The following KCNIP4 variants were observed in gnomAD, a reference collection of about 807,000 sequenced individuals.
KCNIP4 encodes the protein Kv channel-interacting protein 4.
In KCNIP4, 12 loss-of-function variants were observed where a neutral mutation model predicts 34.0. That is an observed-to-expected ratio of 0.35 (90% CI 0.23 to 0.57). KCNIP4 has a LOEUF of 0.57. Ranked by LOEUF, KCNIP4 falls within the 20% of genes least tolerant of loss-of-function variation. The pLI is 0.83. For missense variants in KCNIP4, 238 were observed against 311.7 expected (o/e 0.76, Z 1.78); for synonymous variants, 124 against 102.2 (o/e 1.21, Z -1.29).
chr4:21,205,132 G>T (rs1756757761), intron 1 of KCNIP4, among the ~76,000 whole-genome samples: 1 of 152,090 alleles, frequency 6.6e-6, no homozygotes, highest in Admixed American at 6.6e-5. Context: ...GTAAATACTG[G>T]GTCGAACCTC....
intron 3 of KCNIP4, among the ~76,000 whole-genome samples, chr4:20,817,503 A>C (rs1716556950): frequency 1.3e-5 from 2 of 151,982 alleles, no homozygotes; most frequent in African/African-American, 4.8e-5. Context: ...CTGATCTTTA[A>C]ATTCCTGAAT....
intron 1 of KCNIP4, among the ~76,000 whole-genome samples, chr4:21,109,091 C>A (rs1361599362): frequency 6.6e-6 from 1 of 152,116 alleles, no homozygotes; most frequent in Non-Finnish European, 1.5e-5. Flanking sequence ...GTTCTCAGAT[C>A]TCCAGCTGCG....
intron 1 of KCNIP4, among the ~76,000 whole-genome samples, chr4:21,520,531 G>A (rs144427655): frequency 8.3e-4 from 126 of 152,164 alleles, no homozygotes; most frequent in African/African-American, 3.0e-3. Flanking sequence ...GCTTTTACAG[G>A]TCTTAGTTAA....
intron 3 of KCNIP4, among the ~76,000 whole-genome samples, chr4:20,803,713 GA>G (rs1578657847): frequency 2.3e-5 from 3 of 127,790 alleles, no homozygotes; most frequent in Admixed American, 1.7e-4. Flanking sequence ...AAGAGAGAGA[GA>G]GAGAGAGAGA....
chr4:21,483,524 G>GC (rs1731634694), intron 1 of KCNIP4, among the ~76,000 whole-genome samples: 1 of 151,942 alleles, frequency 6.6e-6, no homozygotes, highest in African/African-American at 2.4e-5. Flanking sequence ...GCGTGGTGGT[G>GC]CACGCCTGTA....
At chr4:21,906,400 A>G (rs1384166818) in intron 1 of KCNIP4, among the ~76,000 whole-genome samples, 4 of 152,148 alleles carry the variant, frequency 2.6e-5, no homozygotes, top group Non-Finnish European at 5.9e-5. Flanking sequence ...AGAAGCAGAG[A>G]TTGGCGTGAT....
intron 1 of KCNIP4, among the ~76,000 whole-genome samples, chr4:21,449,736 T>C: frequency 6.6e-6 from 1 of 152,072 alleles, no homozygotes; most frequent in East Asian, 1.9e-4. Flanking sequence ...TTTTATCTTT[T>C]TGTTTTTTCA....
chr4:21,405,661 A>T, intron 1 of KCNIP4, among the ~76,000 whole-genome samples: 1 of 152,214 alleles, frequency 6.6e-6, no homozygotes. Context: ...GACACATGGA[A>T]GGACCTAATA....
At chr4:21,487,864 T>C (rs755590178) in intron 1 of KCNIP4, among the ~76,000 whole-genome samples, 2 of 152,266 alleles carry the variant, frequency 1.3e-5, no homozygotes, top group Non-Finnish European at 2.9e-5. Flanking sequence ...TTTAACTCTT[T>C]ATTTATTTAT....
At chr4:21,211,628 T>C (rs943187357) in intron 1 of KCNIP4, among the ~76,000 whole-genome samples, 97 of 152,138 alleles carry the variant, frequency 6.4e-4, no homozygotes, top group African/African-American at 2.3e-3. Context: ...GATTGGGAAC[T>C]GCTGCCCTAT....
intron 1 of KCNIP4, among the ~76,000 whole-genome samples, chr4:21,411,466 T>C (rs1229851664): frequency 6.6e-6 from 1 of 152,162 alleles, no homozygotes; most frequent in African/African-American, 2.4e-5. Flanking sequence ...ACCACTGATA[T>C]TAACAGAAAC....
intron 1 of KCNIP4, among the ~76,000 whole-genome samples, chr4:21,191,393 T>A (rs907654255): frequency 6.6e-6 from 1 of 152,358 alleles, no homozygotes; most frequent in Admixed American, 6.5e-5. Context: ...ATCAATTGCC[T>A]ATAGTTTAAT....
intron 1 of KCNIP4, among the ~76,000 whole-genome samples, chr4:21,383,498 CAAAAA>C (rs58025914): frequency 1.1e-4 from 12 of 114,080 alleles, no homozygotes; most frequent in Middle Eastern, 4.1e-3. Context: ...AGTAGCAAGA[CAAAAA>C]AAAAAAAAAA....
chr4:21,622,413 T>G (rs1293036273), intron 1 of KCNIP4, among the ~76,000 whole-genome samples: 4 of 152,140 alleles, frequency 2.6e-5, no homozygotes, highest in African/African-American at 7.2e-5. Context: ...AAAAAGAAAT[T>G]TATTAAATAT....
chr4:21,763,972 C>G (rs1235967971), intron 1 of KCNIP4, among the ~76,000 whole-genome samples: 1 of 151,936 alleles, frequency 6.6e-6, no homozygotes, highest in Non-Finnish European at 1.5e-5. Flanking sequence ...GCCAGGAACT[C>G]CAGATCACAA....
At chr4:21,100,470 T>C (rs780193877) in intron 1 of KCNIP4, among the ~76,000 whole-genome samples, 19 of 152,182 alleles carry the variant, frequency 1.2e-4, no homozygotes, top group Admixed American at 2.6e-4. Flanking sequence ...GGAGAATCAC[T>C]TGAACCTGGG....
intron 1 of KCNIP4, among the ~76,000 whole-genome samples, chr4:21,583,325 A>G (rs1388583011): frequency 6.6e-6 from 1 of 151,970 alleles, no homozygotes; most frequent in Non-Finnish European, 1.5e-5. Context: ...TTAGGAAGTT[A>G]TTTAGGCTTG....
intron 1 of KCNIP4, among the ~76,000 whole-genome samples, chr4:21,581,500 G>A (rs1741195733): frequency 6.6e-6 from 1 of 151,902 alleles, no homozygotes; most frequent in Admixed American, 6.6e-5. Context: ...TTTTAATTCT[G>A]ACTTTGCCAG....
intron 1 of KCNIP4, among the ~76,000 whole-genome samples, chr4:21,810,534 C>CA (rs1477906434): frequency 1.3e-5 from 2 of 151,784 alleles, no homozygotes; most frequent in African/African-American, 4.8e-5. Flanking sequence ...ACTAAAAATA[C>CA]AAAAAACTAG....
Sources: allele counts gnomAD v4.1 joint callset (sites outside exome capture counted in the v4.1 genomes callset), GRCh38; gene constraint gnomAD v4.1.1; transcripts MANE v1.5; gene names NCBI Gene and HGNC (gene_info 2026-07-23, HGNC 2026-07-21).